The following BRINP3 variants were observed in gnomAD, a reference collection of about 807,000 sequenced individuals.
BRINP3 encodes BMP/retinoic acid inducible neural specific 3.
BRINP3 carries 19 observed loss-of-function variants against 71.0 expected under a neutral mutation model. The observed-to-expected ratio is 0.27, with a 90% CI of 0.19 to 0.39. The LOEUF (loss-of-function observed/expected upper bound fraction) is 0.39, where lower values mean the gene tolerates loss of function less well. Ranked by LOEUF, BRINP3 falls within the 10% of genes least tolerant of loss-of-function variation. The pLI is 1.00. For synonymous variants in BRINP3, 380 were observed against 337.7 expected (o/e 1.13, Z -1.37); for missense variants, 959 against 940.8 (o/e 1.02, Z -0.25).
intron 6 of BRINP3, among the ~76,000 whole-genome samples, chr1:190,195,661 C>CT (rs1433557661): frequency 7.2e-5 from 11 of 152,108 alleles, no homozygotes; most frequent in Middle Eastern, 3.4e-3. Flanking sequence ...TCGTCCAGAG[C>CT]TGTAAGCTTT....
chr1:190,189,707 T>C (rs1653865226), intron 6 of BRINP3, among the ~76,000 whole-genome samples: 2 of 152,134 alleles, frequency 1.3e-5, no homozygotes, highest in Non-Finnish European at 2.9e-5. Flanking sequence ...TCACTGATCT[T>C]GCTTAAAAGA....
intron 2 of BRINP3, among the ~76,000 whole-genome samples, chr1:190,417,299 A>G (rs1366530436): frequency 6.6e-6 from 1 of 152,128 alleles, no homozygotes; most frequent in Admixed American, 6.5e-5. Context: ...ATATCATTGG[A>G]CTTCATTCTC....
In BRINP3 at chr1:190,235,722, CTTCAAATTTTTGCTCAAAT is replaced by C. The variant is rs557708500; in HGVS notation, c.619-1264_619-1246del. Among the ~76,000 whole-genome samples the C allele has an allele frequency of 3.6e-4, 54 of 152,054 alleles. No homozygotes were observed. In the East Asian group the frequency reaches 9.1e-3, roughly 26 times the overall value. On this transcript the variant is annotated intron_variant, in intron 4 of 7. Transcript: ENST00000367462. ...TATTTTCTAGCGAATCCTTCACTTC[CTTCAAATTTTTGCTCAAAT>C]TTCATTCTCTTGGGACTACTTGGAC... is the stretch of plus-strand genomic sequence containing the variant.
In BRINP3 at chr1:190,264,966, T is replaced by A. The variant is rs1571565789; in HGVS notation, c.517A>T (p.Thr173Ser). The A allele has an allele frequency of 1.2e-6, 2 of 1,612,234 alleles. No individual in the cohort carries two copies. The highest frequency in any genetic ancestry group is 2.7e-5 in the African/African-American group (2 of 74,882). The change falls in exon 4 of 8, where the codon ACT (threonine) becomes TCT (serine). Residue 173 changes from threonine to serine, a missense_variant. By Grantham distance (58) the Thr-to-Ser change is moderately conservative. Coordinates refer to ENST00000367462, the MANE Select transcript of BRINP3 (RefSeq NM_199051.3). ...GCTAGCTGATGTAGCGTCTCCAGAG[T>A]GACCGAAGAGCTATTGGTGGTGGAA... Reference protein sequence around the residue: ...SDSTTNSSSVTLETLHQLAAS... With the variant: ...SDSTTNSSSVSLETLHQLAAS...
At chr1:190,147,606 G>T (rs777637960) in intron 7 of BRINP3, among the ~76,000 whole-genome samples, 2 of 152,266 alleles carry the variant, frequency 1.3e-5, no homozygotes, top group Non-Finnish European at 2.9e-5. Flanking sequence ...TTAGATTAAA[G>T]AAATTGTTTT....
At chr1:190,147,618 A>G (rs1656005459) in intron 7 of BRINP3, among the ~76,000 whole-genome samples, 1 of 152,236 alleles carries the variant, frequency 6.6e-6, no homozygotes, top group South Asian at 2.1e-4. Flanking sequence ...AATTGTTTTC[A>G]TTCTTACTTG....
intron 2 of BRINP3, among the ~76,000 whole-genome samples, chr1:190,440,149 T>C (rs1466482894): frequency 6.6e-6 from 1 of 151,954 alleles, no homozygotes; most frequent in East Asian, 1.9e-4. Flanking sequence ...ATTCATATGA[T>C]TTGCTAAAAA....
rs373091559 is a variant in BRINP3 at position 190,361,318 on chromosome 1, G to GAACC, written c.237-79572_237-79569dup. 7.8e-3 allele frequency among the ~76,000 whole-genome samples: 1,185 copies of GAACC among 152,136 alleles called. 18 individuals are homozygous for GAACC. Among genetic ancestry groups the GAACC allele is most frequent in the Non-Finnish European group, 0.013 (870 of 67,992 alleles). On this transcript the variant is annotated intron_variant, in intron 2 of 7. Transcript: ENST00000367462. ...AGAGATTAGAGATATCAGGAGCCAG[G>GAACC]AACCCCATGGTGTAGATCATATAAG...
At chr1:190,258,902 G>T (rs774264561) in intron 4 of BRINP3, among the ~76,000 whole-genome samples, 1 of 152,056 alleles carries the variant, frequency 6.6e-6, no homozygotes, top group Non-Finnish European at 1.5e-5. Flanking sequence ...ACTTGGGGTG[G>T]CCAAAGTTGG....
chr1:190,342,051 T>C (rs917833731), intron 2 of BRINP3, among the ~76,000 whole-genome samples: 1 of 151,356 alleles, frequency 6.6e-6, no homozygotes, highest in Non-Finnish European at 1.5e-5. Flanking sequence ...CCCACATTCC[T>C]TGCCATGTGA....
intron 2 of BRINP3, among the ~76,000 whole-genome samples, chr1:190,435,591 T>A (rs1399008625): frequency 6.6e-6 from 1 of 152,110 alleles, no homozygotes; most frequent in African/African-American, 2.4e-5. Context: ...CACAACAATG[T>A]CATGATGTAT....
chr1:190,143,019 G>A (rs1057153262), intron 7 of BRINP3, among the ~76,000 whole-genome samples: 1 of 152,088 alleles, frequency 6.6e-6, no homozygotes, highest in African/African-American at 2.4e-5. Context: ...AATAGGAGAA[G>A]AGAGCCTAGC....
At chr1:190,283,023 A>T (rs1053927519) in intron 2 of BRINP3, among the ~76,000 whole-genome samples, 28 of 152,124 alleles carry the variant, frequency 1.8e-4, no homozygotes, top group Admixed American at 5.3e-4. Context: ...TACTTCCAGG[A>T]CAAAGGGACA....
intron 2 of BRINP3, among the ~76,000 whole-genome samples, chr1:190,347,965 C>T (rs1047536039): frequency 2.6e-5 from 4 of 152,016 alleles, no homozygotes; most frequent in Non-Finnish European, 4.4e-5. Context: ...TAAATGCAAT[C>T]ATAAGTAGGA....
chr1:190,396,893 A>G (rs200032064), intron 2 of BRINP3, among the ~76,000 whole-genome samples: 2 of 9,070 alleles, frequency 2.2e-4, no homozygotes, highest in Non-Finnish European at 7.3e-4. Context: ...TTCAGTACCT[A>G]AAACATTTCC....
chr1:190,197,314 C>A (rs1247005080), intron 6 of BRINP3, among the ~76,000 whole-genome samples: 1 of 152,102 alleles, frequency 6.6e-6, no homozygotes, highest in Non-Finnish European at 1.5e-5. Context: ...CTGGCCCCTA[C>A]CAAATTTCAT....
intron 2 of BRINP3, among the ~76,000 whole-genome samples, chr1:190,398,901 C>A (rs537082596): frequency 1.2e-4 from 19 of 152,044 alleles, no homozygotes; most frequent in African/African-American, 4.3e-4. Context: ...TTTTAAGAAG[C>A]TTTTTTGATC....
At chr1:190,215,273 C>T (rs1257050490) in intron 6 of BRINP3, among the ~76,000 whole-genome samples, 6 of 151,824 alleles carry the variant, frequency 4.0e-5, no homozygotes, top group Middle Eastern at 3.4e-3. Flanking sequence ...TCAATATAAG[C>T]TCAATCCCAT....
intron 1 of BRINP3, among the ~76,000 whole-genome samples, chr1:190,460,549 A>G (rs1676317789): frequency 6.6e-6 from 1 of 152,168 alleles, no homozygotes; most frequent in Non-Finnish European, 1.5e-5. Context: ...AATAAATCTT[A>G]TTGATCAATT....
Sources: allele counts gnomAD v4.1 joint callset (sites outside exome capture counted in the v4.1 genomes callset), GRCh38; gene constraint gnomAD v4.1.1; transcripts MANE v1.5; gene names NCBI Gene and HGNC (gene_info 2026-07-23, HGNC 2026-07-21).